Variants in DEFB134 observed in about 807,000 individuals in gnomAD.
DEFB134 encodes defensin beta 134.
DEFB134 carries 7 observed loss-of-function variants against 7.4 expected under a neutral mutation model. The observed-to-expected ratio is 0.95, with a 90% confidence interval of 0.54 to 1.79. The LOEUF is 1.79. Among genes scored for constraint, DEFB134 ranks in the 40% most tolerant of loss-of-function variants. The probability of loss-of-function intolerance (pLI) is 0.00; values close to 1 mark genes in which losing one functional copy is unlikely to be tolerated. For missense variants in DEFB134, 105 were observed against 74.8 expected (o/e 1.40, Z -1.49); for synonymous variants, 33 against 25.0 (o/e 1.32, Z -0.96).
At chr8:11,998,291 T>TA (rs1162178690), upstream of DEFB134, among the ~76,000 whole-genome samples, 25 of 147,754 alleles carry the variant, frequency 1.7e-4, no homozygotes, top group Admixed American at 1.6e-3. Flanking sequence ...TCTACAAGAT[T>TA]AAAAAAAAAA....
At chr8:12,000,132 T>C (rs941978265), upstream of DEFB134, among the ~76,000 whole-genome samples, 13 of 152,250 alleles carry the variant, frequency 8.5e-5, no homozygotes, top group Admixed American at 8.5e-4. Context: ...TAAACAGAAA[T>C]GTATTCTAGC....
chr8:11,998,208 G>A (rs544996574), upstream of DEFB134, among the ~76,000 whole-genome samples: 2 of 152,230 alleles, frequency 1.3e-5, no homozygotes, highest in South Asian at 2.1e-4. Context: ...TAGCACTTTG[G>A]AAGGTTAAGG....
upstream of DEFB134, chr8:11,999,322 C>G (rs74923373): frequency 0.011 from 2,365 of 222,834 alleles, 70 homozygotes; most frequent in African/African-American, 0.05. Context: ...ACCTGGAAAC[C>G]TCAACCTCAG....
chr8:11,996,411 C>A (rs1038666525), upstream of DEFB134: 6 of 591,640 alleles, frequency 1.0e-5, no homozygotes, highest in East Asian at 1.2e-4. Flanking sequence ...CTGAGGCAGC[C>A]GTGTTGGCAA....
chr8:12,000,111 G>A (rs116555988), upstream of DEFB134, among the ~76,000 whole-genome samples: 457 of 152,310 alleles, frequency 3.0e-3, 4 homozygotes, highest in African/African-American at 0.011. Context: ...CTTTCCAAAT[G>A]ACAATCCTAA....
chr8:11,999,669 A>T (rs1052274875), upstream of DEFB134, among the ~76,000 whole-genome samples: 1 of 152,210 alleles, frequency 6.6e-6, no homozygotes, highest in African/African-American at 2.4e-5. Flanking sequence ...TCTAAAAGGT[A>T]AAGAAGAATT....
upstream of DEFB134, among the ~76,000 whole-genome samples, chr8:11,998,006 G>A (rs539008020): frequency 1.3e-5 from 2 of 152,284 alleles, no homozygotes; most frequent in South Asian, 4.2e-4. Context: ...AAGAACGCAT[G>A]CCAGTAACAT....
At chr8:11,997,538 C>A (rs1008141838), upstream of DEFB134, among the ~76,000 whole-genome samples, 5 of 151,946 alleles carry the variant, frequency 3.3e-5, no homozygotes, top group African/African-American at 1.2e-4. Flanking sequence ...ATCTAGCAAG[C>A]AAATGGAAAA....
chr8:11,999,189 C>T, upstream of DEFB134: 1 of 193,188 alleles, frequency 5.2e-6, no homozygotes, highest in South Asian at 1.3e-4. Flanking sequence ...AATTTCTTAG[C>T]AACCAGCCAG....
chr8:11,996,626 T>C (rs181343865), upstream of DEFB134, among the ~76,000 whole-genome samples: 68 of 152,328 alleles, frequency 4.5e-4, no homozygotes, highest in African/African-American at 1.4e-3. Flanking sequence ...AGAAAATTGG[T>C]AAAATATTAA....
upstream of DEFB134, among the ~76,000 whole-genome samples, chr8:11,998,196 G>A (rs192078899): frequency 2.0e-5 from 3 of 152,068 alleles, no homozygotes; most frequent in East Asian, 3.9e-4. Context: ...CACCTGTAAC[G>A]CTAGCACTTT....
chr8:11,997,962 T>G (rs1316981473), upstream of DEFB134, among the ~76,000 whole-genome samples: 1 of 152,194 alleles, frequency 6.6e-6, no homozygotes, highest in African/African-American at 2.4e-5. Context: ...ATCAACCACA[T>G]GCTTGGCCAT....
At chr8:11,996,150 T>C (rs1800114948) in intron 1 of DEFB134, 44 bp downstream of exon 2, 3 of 1,609,208 alleles carry the variant, frequency 1.9e-6, no homozygotes, top group African/African-American at 2.7e-5. Context: ...GGCATTGTTC[T>C]TCTATATGAA....
chr8:11,996,083 T>G (rs1800112351), intron 1 of DEFB134, 111 bp downstream of exon 2: 3 of 1,329,162 alleles, frequency 2.3e-6, no homozygotes, highest in Non-Finnish European at 3.2e-6. Flanking sequence ...TGATGCTTTT[T>G]TCTAGCTTGA....
chr8:11,996,958 C>A (rs1800141164), upstream of DEFB134, among the ~76,000 whole-genome samples: 1 of 152,122 alleles, frequency 6.6e-6, no homozygotes, highest in Non-Finnish European at 1.5e-5. Context: ...GTAAAGTGTA[C>A]AATCGGATAA....
Position 11,993,930 on chromosome 8 carries a change from T to C in DEFB134, c.*50A>G, listed in dbSNP as rs1350422370. The stretch of plus-strand genomic sequence containing the variant: ...CTAAATTCCCTGGTTTTGTGAAAGA[T>C]GGCAGAATCAAGGGCCTACAGGATA... On this transcript the variant is annotated 3_prime_UTR_variant, in exon 2 of 2. Transcript: ENST00000526438. The C allele has an allele frequency of 3.8e-6, 6 of 1,584,584 alleles. No individual in the cohort carries two copies. In the African/African-American group the frequency reaches 6.8e-5, roughly 18 times the overall value.
At chr8:12,000,333 A>C (rs1800237863), upstream of DEFB134, among the ~76,000 whole-genome samples, 1 of 152,062 alleles carries the variant, frequency 6.6e-6, no homozygotes, top group Non-Finnish European at 1.5e-5. Flanking sequence ...TGTCTTATTT[A>C]TCATTTTACA....
At chr8:11,996,538 T>G (rs1800128634), upstream of DEFB134, among the ~76,000 whole-genome samples, 1 of 152,240 alleles carries the variant, frequency 6.6e-6, no homozygotes. Context: ...CTGAGAACTA[T>G]GTGCTCTTAC....
At position 11,996,206 on chromosome 8, in the gene DEFB134, G is replaced by C. The variant is rs776639264; in HGVS notation, c.46C>G (p.Pro16Ala). ...ATGCCAGTTTTACCTGCCAGCACTG[G>C]ATCCCAAAGGAAAAGAAAGACAAAC... The change falls in exon 1 of 2, where the codon CCA (proline) becomes GCA (alanine). Residue 16 changes from proline (P) to alanine (A), a missense_variant. Pro to Ala is a conservative substitution (Grantham distance 27). Transcript: ENST00000526438. 4.3e-6 allele frequency: 7 copies of C among 1,613,588 alleles called. No individual in the cohort carries two copies. The African/African-American group carries it at 8.0e-5, about 18-fold the overall frequency.
Sources: gnomAD v4.1 joint callset for allele counts (sites outside exome capture counted in the v4.1 genomes callset) on GRCh38, gnomAD v4.1.1 for gene constraint, MANE v1.5 for transcripts, NCBI Gene and HGNC (gene_info 2026-07-23, HGNC 2026-07-21) for gene names.